The following CHEK1 variants were observed in gnomAD, a reference collection of about 807,000 sequenced individuals.
The protein encoded by CHEK1 is serine/threonine-protein kinase Chk1.
CHEK1 carries 32 observed loss-of-function variants against 60.2 expected under a neutral mutation model. The observed-to-expected ratio is 0.53, with a 90% CI of 0.40 to 0.71. CHEK1 has a LOEUF of 0.71. Ranked by LOEUF, CHEK1 falls within the 30% of genes least tolerant of loss-of-function variation. The probability of loss-of-function intolerance (pLI) is 0.00; values close to 1 mark genes in which losing one functional copy is unlikely to be tolerated. For synonymous variants in CHEK1, 179 were observed against 187.2 expected (o/e 0.96, Z 0.36); for missense variants, 399 against 564.6 (o/e 0.71, Z 2.97).
At chr11:125,654,055 G>A (rs2136062494) in intron 12 of CHEK1, among the ~76,000 whole-genome samples, 1 of 152,068 alleles carries the variant, frequency 6.6e-6, no homozygotes, top group East Asian at 1.9e-4. Flanking sequence ...TTTTTGCCAG[G>A]CGTGGTGGCT....
intron 11 of CHEK1, among the ~76,000 whole-genome samples, chr11:125,647,525 TTCTG>T (rs1214914216): frequency 2.0e-5 from 3 of 152,152 alleles, no homozygotes; most frequent in Non-Finnish European, 4.4e-5. Flanking sequence ...CCCCTTGTTT[TTCTG>T]TCTTTTAGGA....
At chr11:125,626,707 A>G in intron 1 of CHEK1, 42 bp from the exon 2 acceptor site, 2 of 1,592,856 alleles carry the variant, frequency 1.3e-6, no homozygotes, top group South Asian at 1.1e-5. Context: ...TTCACTGGTG[A>G]TCTTACACTC....
At chr11:125,671,042 GC>G (rs1374320994) in intron 13 of CHEK1, among the ~76,000 whole-genome samples, 1 of 151,898 alleles carries the variant, frequency 6.6e-6, no homozygotes, top group East Asian at 1.9e-4. Flanking sequence ...AAGTAGGTAG[GC>G]CTATTGACAT....
At chr11:125,657,433 C>G (rs916106126), downstream of CHEK1, among the ~76,000 whole-genome samples, 1 of 152,130 alleles carries the variant, frequency 6.6e-6, no homozygotes, top group Non-Finnish European at 1.5e-5. Context: ...TTAAGAACTT[C>G]CTATATGCAG....
chr11:125,653,868 ATTC>A lies in CHEK1; in HGVS notation c.1335+24_1335+26del. On this transcript the variant is annotated intron_variant, in intron 12 of 12. Coordinates refer to ENST00000438015, the MANE Select transcript of CHEK1 (RefSeq NM_001114122.3). The surrounding 1 kb of genome is among the most constrained non-coding windows in gnomAD (Gnocchi z 4.3). Reference sequence around the variant, plus strand: ...CTAAGGTATTTTTATGTTTTATTGTATTCTTTCTATGGAAATATTTCTATATGA... The same window carrying A: ...CTAAGGTATTTTTATGTTTTATTGTATTTCTATGGAAATATTTCTATATGA... 7.5e-7 allele frequency: 1 copy of A among 1,324,548 alleles called. No homozygotes were observed. Among genetic ancestry groups the A allele is most frequent in the South Asian group, 1.3e-5 (1 of 76,686 alleles). The allele number at this position is 1,324,548 out of a possible 1,614,324, so 82.0% of individuals were successfully genotyped here.
Position 125,643,794 on chromosome 11 carries a change from G to T in CHEK1, c.817G>T (p.Ala273Ser), listed in dbSNP as rs778901513. 2 of 1,609,258 alleles carry T rather than the reference G, an allele frequency of 1.2e-6. No individual in the cohort carries two copies. The highest frequency in any genetic ancestry group is 2.2e-5 in the South Asian group (2 of 89,862). The change falls in exon 9 of 13, where the codon GCA (alanine) becomes TCA (serine). Residue 273 changes from alanine to serine, a missense_variant and splice_region_variant. Ala to Ser is a moderately conservative substitution (Grantham distance 99). This residue lies in a region of CHEK1 where 370 missense variants were observed against 494.8 expected (regional missense o/e 0.75). Coordinates refer to ENST00000438015, the MANE Select transcript of CHEK1 (RefSeq NM_001114122.3). ...TTTGTATTTGTTTTCTTTTTTAGGG[G>T]CAAAAAGGCCCCGAGTCACTTCAGG... ...RWYNKPLKKGAKRPRVTSGGV... is the reference protein window; with the variant it reads ...RWYNKPLKKGSKRPRVTSGGV...
In CHEK1 at chr11:125,655,259, A is replaced by G. The variant is rs1055671859; in HGVS notation, c.1370A>G (p.Lys457Arg). Residue 457 changes from lysine to arginine, a missense_variant, in exon 13 of 13, where the codon AAG becomes AGG. By Grantham distance (26) the Lys-to-Arg change is conservative. This residue lies in a region of CHEK1 where 29 missense variants were observed against 69.8 expected (regional missense o/e 0.42). Coordinates refer to ENST00000438015, the MANE Select transcript of CHEK1 (RefSeq NM_001114122.3). ...TTGGAGTTCAAGAGACACTTCCTGA[A>G]GATTAAAGGGAAGCTGATTGATATT... Reference protein sequence around the residue: ...DGLEFKRHFLKIKGKLIDIVS... With the variant: ...DGLEFKRHFLRIKGKLIDIVS... 1.2e-6 allele frequency: 2 copies of G among 1,613,594 alleles called. No homozygotes were observed. Among genetic ancestry groups the G allele is most frequent in the African/African-American group, 2.7e-5 (2 of 74,896 alleles).
At chr11:125,670,839 T>C (rs1942187731) in intron 13 of CHEK1, among the ~76,000 whole-genome samples, 3 of 152,214 alleles carry the variant, frequency 2.0e-5, no homozygotes, top group South Asian at 4.1e-4. Flanking sequence ...GGAGGAGCTT[T>C]CAAATCTTTT....
At chr11:125,659,043 A>G (rs1371964067), downstream of CHEK1, among the ~76,000 whole-genome samples, 1 of 151,992 alleles carries the variant, frequency 6.6e-6, no homozygotes, top group Admixed American at 6.6e-5. Flanking sequence ...TTTTGTGTAG[A>G]ATGTGAGGTA....
intron 13 of CHEK1, among the ~76,000 whole-genome samples, chr11:125,668,846 C>T (rs536607482): frequency 2.0e-5 from 3 of 152,102 alleles, no homozygotes; most frequent in African/African-American, 4.8e-5. Context: ...TATAAGCCAC[C>T]GTCCCCAGCC....
At chr11:125,644,490 T>G in intron 10 of CHEK1, 22 bp from the exon 11 acceptor site, 1 of 1,610,188 alleles carries the variant, frequency 6.2e-7, no homozygotes, top group South Asian at 1.1e-5. Context: ...ATTTATTCAT[T>G]TGTCTTCTGT....
Position 125,668,817 on chromosome 11 carries a change from A to G in CHEK1, c.*28-7111A>G, listed in dbSNP as rs143102289. On this transcript the variant is annotated intron_variant, in intron 13 of 13. Transcript: ENST00000428830. Reference sequence around the variant, plus strand: ...AGCAATCCTCCCATGTCAGCCTCCTAAAGTTCTGAGATTACAGGTATAAGC... The same window carrying G: ...AGCAATCCTCCCATGTCAGCCTCCTGAAGTTCTGAGATTACAGGTATAAGC... 2.7e-3 allele frequency among the ~76,000 whole-genome samples: 410 copies of G among 152,202 alleles called. 1 individual carries two copies. The highest frequency in any genetic ancestry group is 8.9e-3 in the African/African-American group (370 of 41,520).
rs770534357 is a variant in CHEK1, at chr11:125,644,625, G to A, written c.1215G>A (p.Lys405=). The stretch of plus-strand genomic sequence containing the variant: ...GTGAGAAGTTGGGCTATCAATGGAA[G>A]AAAAGTTGTATGAATCAGGTGTGTT... ...ETCEKLGYQW[K]KSCMNQVTIS... The change falls in exon 11 of 13, where the codon AAG becomes AAA. Residue 405 remains lysine, a synonymous_variant. Transcript: ENST00000438015. 1 of 1,613,920 alleles carries A rather than the reference G, an allele frequency of 6.2e-7. No individual in the cohort carries two copies.
chr11:125,676,758 A>C (rs1183179325), downstream of CHEK1, among the ~76,000 whole-genome samples: 1 of 152,070 alleles, frequency 6.6e-6, no homozygotes, highest in Admixed American at 6.5e-5. Context: ...GGCATTTATC[A>C]TTAGATACCC....
rs1940600198 is a variant in CHEK1, at chr11:125,626,306, G to A, written c.-21+294G>A. 12 of 485,310 alleles carry A rather than the reference G, an allele frequency of 2.5e-5. No individual in the cohort carries two copies. In the South Asian group the frequency reaches 3.0e-4, roughly 12 times the overall value. 30.1% of individuals were successfully genotyped at this position (485,310 alleles called of 1,614,324 possible). ...GGCCCCGCCCCGGCCTTTGGGACGGGTGGGGCTGTGGATGGGGATGGGAAT... is the reference window on the plus strand; with the variant it reads ...GGCCCCGCCCCGGCCTTTGGGACGGATGGGGCTGTGGATGGGGATGGGAAT... On this transcript the variant is annotated intron_variant, in intron 1 of 12. Transcript: ENST00000438015.
At chr11:125,648,347 C>A (rs1446348596) in intron 11 of CHEK1, among the ~76,000 whole-genome samples, 1 of 152,110 alleles carries the variant, frequency 6.6e-6, no homozygotes, top group East Asian at 1.9e-4. Context: ...CTTTGGGAGG[C>A]CGTTGCGGGT....
intron 8 of CHEK1, among the ~76,000 whole-genome samples, chr11:125,641,003 T>G (rs1193948419): frequency 6.6e-6 from 1 of 152,226 alleles, no homozygotes; most frequent in African/African-American, 2.4e-5. Flanking sequence ...TCACTTGGGA[T>G]GTGAATCACT....
At chr11:125,669,790 C>T (rs1942167674) in intron 13 of CHEK1, among the ~76,000 whole-genome samples, 1 of 152,070 alleles carries the variant, frequency 6.6e-6, no homozygotes, top group Admixed American at 6.5e-5. Context: ...TCCCAAAGTG[C>T]TGGGATTACA....
chr11:125,631,270 T>C (rs1047518321), intron 5 of CHEK1, among the ~76,000 whole-genome samples: 5 of 152,158 alleles, frequency 3.3e-5, no homozygotes, highest in Non-Finnish European at 7.4e-5. Context: ...ATATAATTCT[T>C]TGTTTCTATT....
Sources: allele counts gnomAD v4.1 joint callset (sites outside exome capture counted in the v4.1 genomes callset), GRCh38; gene constraint gnomAD v4.1.1; regional missense constraint gnomAD v4.1.1; non-coding constraint Gnocchi (gnomAD v3.1); transcripts MANE v1.5; gene names NCBI Gene and HGNC (gene_info 2026-07-23, HGNC 2026-07-21).